Variants in HEXD observed in about 807,000 individuals in gnomAD.
HEXD encodes the protein hexosaminidase D.
HEXD carries 47 observed loss-of-function variants against 54.2 expected under a neutral mutation model. That is an observed-to-expected ratio of 0.87 (90% CI 0.69 to 1.11). The LOEUF is 1.11. Ranked by LOEUF, HEXD falls within the 50% of genes least tolerant of loss-of-function variation. The pLI is 0.00. For missense variants in HEXD, 576 were observed against 649.2 expected (o/e 0.89, Z 1.23); for synonymous variants, 293 against 287.6 (o/e 1.02, Z -0.19).
rs2053745666 is a variant in HEXD, at chr17:82,435,843, T to C, written c.602T>C (p.Leu201Pro). ...ACACCCCTGGTGTGGGACGACATGC[T>C]CCGAGACCTGCCTGAGGACCAGCTC... Reference protein sequence around the residue: ...SVTPLVWDDMLRDLPEDQLAA... With the variant: ...SVTPLVWDDMPRDLPEDQLAA... Residue 201 changes from leucine (L) to proline (P), a missense_variant, in exon 6 of 13, where the codon CTC becomes CCC. Physicochemically the swap from Leu to Pro is moderately conservative, Grantham distance 98. Coordinates refer to ENST00000327949, the MANE Select transcript of HEXD (RefSeq NM_001330542.2). 3 of 1,609,686 alleles carry C rather than the reference T, an allele frequency of 1.9e-6. No homozygotes were observed. In the African/African-American group the frequency reaches 4.0e-5, roughly 22 times the overall value.
chr17:82,437,353 G>A lies in HEXD; in HGVS notation c.889G>A (p.Gly297Ser), dbSNP rs779870636. Residue 297 changes from glycine (G) to serine (S), a missense_variant, in exon 8 of 13, where the codon GGC becomes AGC. Gly to Ser is a moderately conservative substitution (Grantham distance 56). Transcript: ENST00000327949. Reference sequence around the variant, plus strand: ...CTCACTGCAGGGCATCATCCTGACCGGCTGGCAGAGGTAAGTCCTGGCCAG... The same window carrying A: ...CTCACTGCAGGGCATCATCCTGACCAGCTGGCAGAGGTAAGTCCTGGCCAG... Reference protein sequence around the residue: ...TDSLQGIILTGWQRYDHYSVL... With the variant: ...TDSLQGIILTSWQRYDHYSVL... The A allele has an allele frequency of 2.8e-5, 44 of 1,597,478 alleles. No individual in the cohort carries two copies. Among genetic ancestry groups the A allele is most frequent in the East Asian group, 9.0e-5 (4 of 44,546 alleles).
Position 82,435,751 on chromosome 17 carries a change from G to A in HEXD, c.510G>A (p.Thr170=), listed in dbSNP as rs760184020. 1.7e-5 allele frequency: 27 copies of A among 1,612,912 alleles called. No individual in the cohort carries two copies. The Admixed American group carries it at 2.0e-4, about 12-fold the overall frequency. Residue 170 remains threonine, a synonymous_variant, in exon 6 of 13, where the codon ACG becomes ACA. Coordinates refer to ENST00000327949, the MANE Select transcript of HEXD (RefSeq NM_001330542.2). ...GGCTACAGCAAGAGCAGAACAGCAC[G>A]GGGAAGTTGTGCCTGTCACACATGC... ...RRWLQQEQNS[T]GKLCLSHMRA... is the part of the protein sequence containing the mutation.
intron 8 of HEXD, chr17:82,439,366 T>C: frequency 1.1e-6 from 1 of 931,690 alleles, no homozygotes; most frequent in African/African-American, 1.8e-5. Context: ...CCACCCAGAA[T>C]TCCCATGGCT....
intron 4 of HEXD, among the ~76,000 whole-genome samples, chr17:82,432,060 A>T (rs111485281): frequency 0.028 from 4,331 of 152,232 alleles, 208 homozygotes; most frequent in African/African-American, 0.1. Context: ...TCCTAGGGTC[A>T]TCCCTCTGTC....
At chr17:82,432,360 C>T (rs148061987) in intron 4 of HEXD, among the ~76,000 whole-genome samples, 21 of 152,144 alleles carry the variant, frequency 1.4e-4, no homozygotes, top group Middle Eastern at 3.4e-3. Flanking sequence ...CTCTGGCAAG[C>T]GGAAGACAGG....
At chr17:82,431,486 C>A (rs1009648592) in intron 4 of HEXD, among the ~76,000 whole-genome samples, 1 of 150,270 alleles carries the variant, frequency 6.7e-6, no homozygotes, top group Non-Finnish European at 1.5e-5. Flanking sequence ...TGGAGTGCAG[C>A]GGCGTGATCT....
chr17:82,423,825 AAAAG>A (rs1364364841), intron 2 of HEXD, among the ~76,000 whole-genome samples: 1 of 151,162 alleles, frequency 6.6e-6, no homozygotes, highest in Non-Finnish European at 1.5e-5. Context: ...AAAAAAAAAA[AAAAG>A]AGAGAAAGAC....
At chr17:82,424,073 G>T (rs1324833490) in intron 2 of HEXD, among the ~76,000 whole-genome samples, 1 of 151,972 alleles carries the variant, frequency 6.6e-6, no homozygotes, top group Non-Finnish European at 1.5e-5. Flanking sequence ...TGCCTTGCTG[G>T]GCCGCCGTGC....
chr17:82,424,738 A>G (rs900141576), intron 3 of HEXD, among the ~76,000 whole-genome samples: 1 of 152,294 alleles, frequency 6.6e-6, no homozygotes, highest in African/African-American at 2.4e-5. Context: ...GAAAGTAAGC[A>G]TCAGCAGCGC....
intron 3 of HEXD, among the ~76,000 whole-genome samples, chr17:82,427,677 G>A (rs975460155): frequency 6.6e-5 from 10 of 152,188 alleles, no homozygotes; most frequent in Non-Finnish European, 1.0e-4. Flanking sequence ...GGGTTCCTTC[G>A]AAGCTTGAAA....
intron 6 of HEXD, 21 bp downstream of exon 6, chr17:82,435,893 G>A (rs756147671): frequency 3.1e-6 from 5 of 1,593,760 alleles, no homozygotes; most frequent in South Asian, 1.1e-5. Context: ...AGGGCTGGGG[G>A]AGGGGGTGGG....
chr17:82,442,014 C>T lies in HEXD; in HGVS notation c.1253+125C>T. 1.5e-6 allele frequency: 2 copies of T among 1,294,994 alleles called. No individual in the cohort carries two copies. The highest frequency in any genetic ancestry group is 1.2e-5 in the South Asian group (1 of 81,682). 80.2% of individuals were successfully genotyped at this position (1,294,994 alleles called of 1,614,324 possible). The stretch of plus-strand genomic sequence containing the variant: ...CTAGTTGTAAAAGGCCCTCTGGTCT[C>T]AGATGTGCAGCTGTCACCGACTTGT... On this transcript the variant is annotated intron_variant, in intron 12 of 12. Coordinates refer to ENST00000327949, the MANE Select transcript of HEXD (RefSeq NM_001330542.2). This position sits in a 1 kb window ranked among gnomAD's most constrained non-coding sequence, Gnocchi z 6.8.
Position 82,436,732 on chromosome 17 carries a change from G to C in HEXD, c.697G>C (p.Gly233Arg), listed in dbSNP as rs748862815. 5.0e-6 allele frequency: 8 copies of C among 1,611,888 alleles called. No homozygotes were observed. In the South Asian group the frequency reaches 7.7e-5, roughly 16 times the overall value. ...CTACACGGCCGACCTGGATGTGCAC[G>C]GCAAGGGTCAGTGCCAAGTTGTGGG... ...WDYTADLDVHGKVLLMQKYRR... is the reference protein window; with the variant it reads ...WDYTADLDVHRKVLLMQKYRR... Residue 233 changes from glycine to arginine, a missense_variant, in exon 7 of 13, where the codon GGC (glycine) becomes CGC (arginine). Coordinates refer to ENST00000327949, the MANE Select transcript of HEXD (RefSeq NM_001330542.2).
chr17:82,441,838 G>A lies in HEXD; in HGVS notation c.1202G>A (p.Arg401Gln), dbSNP rs185407211. The change falls in exon 12 of 13, where the codon CGG becomes CAG. Residue 401 changes from arginine to glutamine, a missense_variant. Arg to Gln is a conservative substitution (Grantham distance 43). Coordinates refer to ENST00000327949, the MANE Select transcript of HEXD (RefSeq NM_001330542.2). The stretch of plus-strand genomic sequence containing the variant: ...TGGTTCAGCCCCTACCACCGCCAGC[G>A]GAAGCTCATCCACCCGGTCATGGTT... Reference protein sequence around the residue: ...TGWFSPYHRQRKLIHPVMVQH... With the variant: ...TGWFSPYHRQQKLIHPVMVQH... 2.6e-4 allele frequency: 423 copies of A among 1,613,130 alleles called. No individual in the cohort carries two copies. The highest frequency in any genetic ancestry group is 3.2e-4 in the Non-Finnish European group (378 of 1,179,992).
chr17:82,418,591 C>T lies in HEXD; in HGVS notation c.-201C>T. 4.1e-6 allele frequency: 2 copies of T among 491,130 alleles called. No individual in the cohort carries two copies. The highest frequency in any genetic ancestry group is 6.1e-6 in the Non-Finnish European group (2 of 327,744). The allele number at this position is 491,130 out of a possible 1,614,324, so 30.4% of individuals were successfully genotyped here. A position where few individuals can be genotyped will look rare whatever the true frequency, so the allele number is the denominator to read the frequency against. On this transcript the variant is annotated 5_prime_UTR_variant, in exon 1 of 13. The change creates a new upstream start codon in the 5' untranslated region. Transcript: ENST00000327949. ...GCACGGCGCAGGGACGCGAGTGCGA[C>T]GCGCTCGGCCATCGGCCCCTGGGCT...
chr17:82,421,316 C>A (rs763851500), intron 2 of HEXD, among the ~76,000 whole-genome samples: 9 of 152,178 alleles, frequency 5.9e-5, no homozygotes, highest in Non-Finnish European at 1.0e-4. Flanking sequence ...CAGCGCCCCC[C>A]ACTAAGGACA....
intron 1 of HEXD, 53 bp from the exon 2 acceptor site, chr17:82,419,696 G>A: frequency 1.5e-6 from 1 of 676,182 alleles, no homozygotes; most frequent in East Asian, 2.8e-5. Context: ...TAAGGAGAAA[G>A]GCAAAGGGAG....
At chr17:82,440,371 A>C in intron 9 of HEXD, 2 of 1,169,144 alleles carry the variant, frequency 1.7e-6, no homozygotes, top group Non-Finnish European at 2.2e-6. Flanking sequence ...TTGACTTCTC[A>C]GTTGCTGACT....
At chr17:82,426,355 T>C (rs12600624) in intron 3 of HEXD, 15,689 of 151,302 alleles carry the variant, frequency 0.1, 1,142 homozygotes, top group East Asian at 0.24. Context: ...GGCCGTGTGG[T>C]CGGGTGGTCG....
Sources: allele counts gnomAD v4.1 joint callset (sites outside exome capture counted in the v4.1 genomes callset), GRCh38; gene constraint gnomAD v4.1.1; non-coding constraint Gnocchi (gnomAD v3.1); transcripts MANE v1.5; gene names NCBI Gene and HGNC (gene_info 2026-07-23, HGNC 2026-07-21).